The following NRXN1 variants were observed in gnomAD, a reference collection of about 807,000 sequenced individuals.
NRXN1 encodes the protein neurexin 1.
NRXN1 carries 39 observed loss-of-function variants against 150.9 expected under a neutral mutation model. The observed-to-expected ratio is 0.26, with a 90% confidence interval of 0.20 to 0.34. The LOEUF is 0.34. Ranked by LOEUF, NRXN1 falls within the 10% of genes least tolerant of loss-of-function variation. The pLI is 1.00. For synonymous variants in NRXN1, 924 were observed against 757.0 expected, an observed-to-expected ratio of 1.22 and a Z score of -3.62; for missense variants, 1,815 against 1,949.9, an observed-to-expected ratio of 0.93 and a Z score of 1.30.
At chr2:50,889,020 T>C (rs1014913461) in intron 5 of NRXN1, among the ~76,000 whole-genome samples, 4 of 151,768 alleles carry the variant, frequency 2.6e-5, no homozygotes, top group Non-Finnish European at 5.9e-5. Flanking sequence ...CAAACTATCA[T>C]AGCCTAAAAA....
At chr2:50,539,329 A>G (rs554548145) in intron 9 of NRXN1, among the ~76,000 whole-genome samples, 1 of 152,322 alleles carries the variant, frequency 6.6e-6, no homozygotes, top group Admixed American at 6.5e-5. Flanking sequence ...AGTAAAACCA[A>G]TTGCTTCCTT....
intron 2 of NRXN1, among the ~76,000 whole-genome samples, chr2:50,947,449 T>C (rs1318361880): frequency 7.2e-6 from 1 of 138,932 alleles, no homozygotes; most frequent in Non-Finnish European, 1.5e-5. Flanking sequence ...GAAACAGTGA[T>C]AATATGTTAT....
intron 5 of NRXN1, among the ~76,000 whole-genome samples, chr2:50,770,034 A>G (rs1315521542): frequency 1.3e-5 from 2 of 152,094 alleles, no homozygotes; most frequent in South Asian, 2.1e-4. Context: ...GCTTCCCTGT[A>G]CATCTAAGAA....
intron 8 of NRXN1, among the ~76,000 whole-genome samples, chr2:50,569,305 G>A (rs961105419): frequency 6.6e-6 from 1 of 152,050 alleles, no homozygotes; most frequent in Admixed American, 6.6e-5. Context: ...TGGATTATCT[G>A]TAACACAGGA....
chr2:50,049,097 C>T (rs1283289550), intron 21 of NRXN1, among the ~76,000 whole-genome samples: 2 of 152,086 alleles, frequency 1.3e-5, no homozygotes, highest in African/African-American at 4.8e-5. Context: ...GTATGCTTTT[C>T]TTGCAAAGGT....
At chr2:50,950,049 A>G (rs773820917) in intron 2 of NRXN1, among the ~76,000 whole-genome samples, 8 of 152,174 alleles carry the variant, frequency 5.3e-5, no homozygotes, top group Non-Finnish European at 1.2e-4. Context: ...GCTATTTGCT[A>G]AGCAGAATAA....
Position 50,928,215 on chromosome 2 carries a change from G to GA in NRXN1, c.773-2261dup, listed in dbSNP as rs796669817. The stretch of plus-strand genomic sequence containing the variant: ...GTCTGTCTCAGAAAATTTAGATTTA[G>GA]AAAAAAAAAATCAAAGTACTAGAAT... On this transcript the variant is annotated intron_variant, in intron 2 of 22. Coordinates refer to ENST00000401669, the MANE Select transcript of NRXN1 (RefSeq NM_001330078.2). 1.1e-3 allele frequency among the ~76,000 whole-genome samples: 166 copies of GA among 147,428 alleles called. 1 individual carries two copies. The highest frequency in any genetic ancestry group is 3.5e-3 in the Middle Eastern group (1 of 286).
intron 18 of NRXN1, among the ~76,000 whole-genome samples, chr2:50,201,742 T>C (rs1197516330): frequency 2.0e-5 from 3 of 152,202 alleles, no homozygotes; most frequent in African/African-American, 7.2e-5. Context: ...GGTACTTAAC[T>C]AAGCAGTTCA....
At chr2:49,922,529 C>T (rs1484468319) in intron 22 of NRXN1, among the ~76,000 whole-genome samples, 2 of 152,014 alleles carry the variant, frequency 1.3e-5, no homozygotes, top group African/African-American at 4.8e-5. Context: ...CTCCAATTAG[C>T]TCTAAAGGGC....
chr2:50,563,395 G>A (rs1669400628), intron 8 of NRXN1, among the ~76,000 whole-genome samples: 1 of 152,192 alleles, frequency 6.6e-6, no homozygotes, highest in Admixed American at 6.5e-5. Flanking sequence ...ATTAAATCAG[G>A]AAGAAAACAA....
intron 2 of NRXN1, among the ~76,000 whole-genome samples, chr2:50,973,461 G>C (rs1487995631): frequency 2.6e-5 from 4 of 152,092 alleles, no homozygotes; most frequent in African/African-American, 9.7e-5. Context: ...TTCTGCAACA[G>C]GAAAGGAATG....
At chr2:50,625,704 C>T (rs1015065677) in intron 5 of NRXN1, among the ~76,000 whole-genome samples, 12 of 151,974 alleles carry the variant, frequency 7.9e-5, no homozygotes, top group African/African-American at 2.9e-4. Context: ...TGTAGGTTGG[C>T]CACTAGCTGT....
intron 5 of NRXN1, among the ~76,000 whole-genome samples, chr2:50,639,048 A>G (rs1432964273): frequency 6.6e-6 from 1 of 151,980 alleles, no homozygotes; most frequent in East Asian, 1.9e-4. Flanking sequence ...ACGTTATTCA[A>G]CCTTTCCATT....
At chr2:50,332,902 G>C (rs1160896789) in intron 17 of NRXN1, among the ~76,000 whole-genome samples, 1 of 152,034 alleles carries the variant, frequency 6.6e-6, no homozygotes, top group Non-Finnish European at 1.5e-5. Context: ...TTTTCCAAAA[G>C]ACAAAAACTA....
At chr2:50,182,504 T>C (rs1460541229) in intron 18 of NRXN1, among the ~76,000 whole-genome samples, 3 of 152,098 alleles carry the variant, frequency 2.0e-5, no homozygotes, top group Admixed American at 1.3e-4. Context: ...TATGTTTGGA[T>C]TCTCTGTTAA....
At chr2:51,007,137 T>C (rs902538963) in intron 2 of NRXN1, among the ~76,000 whole-genome samples, 2 of 152,012 alleles carry the variant, frequency 1.3e-5, no homozygotes, top group African/African-American at 4.8e-5. Context: ...GCTATAACTC[T>C]TCGTCTCTTT....
chr2:49,921,752 T>TTTTG lies in NRXN1; in HGVS notation c.*188_*191dup, dbSNP rs1273515918. 9.6e-6 allele frequency: 6 copies of TTTTG among 627,548 alleles called. No individual in the cohort carries two copies. Among genetic ancestry groups the TTTTG allele is most frequent in the Admixed American group, 3.3e-5 (1 of 30,424 alleles). The allele number at this position is 627,548 out of a possible 1,614,324, so 38.9% of individuals were successfully genotyped here. ...AATTTATTGGCCCCTGTTTTTTGTTTTTTGTTTTTCTTTTTTGAGAAACAA... is the reference window on the plus strand; with the variant it reads ...AATTTATTGGCCCCTGTTTTTTGTTTTTTGTTTGTTTTTCTTTTTTGAGAAACAA... On this transcript the variant is annotated 3_prime_UTR_variant, in exon 23 of 23. Transcript: ENST00000401669.
intron 17 of NRXN1, among the ~76,000 whole-genome samples, chr2:50,335,606 A>G (rs1575128468): frequency 1.3e-5 from 2 of 152,248 alleles, no homozygotes; most frequent in East Asian, 3.8e-4. Context: ...AATATTCAAC[A>G]CTAAACTGCA....
chr2:49,963,059 A>G (rs1049461376), intron 21 of NRXN1, among the ~76,000 whole-genome samples: 5 of 152,172 alleles, frequency 3.3e-5, no homozygotes, highest in African/African-American at 1.2e-4. Flanking sequence ...AAAATTAAAT[A>G]TCCATATTTA....
Sources: allele counts gnomAD v4.1 joint callset (sites outside exome capture counted in the v4.1 genomes callset), GRCh38; gene constraint gnomAD v4.1.1; transcripts MANE v1.5; gene names NCBI Gene and HGNC (gene_info 2026-07-23, HGNC 2026-07-21).